Variants in MFSD6 observed in about 807,000 individuals in gnomAD.
MFSD6 encodes the protein major facilitator superfamily domain-containing protein 6.
In MFSD6, 26 loss-of-function variants were observed where a neutral mutation model predicts 56.3. The observed-to-expected ratio is 0.46, with a 90% confidence interval of 0.34 to 0.64. The LOEUF is 0.64. Among genes scored for constraint, MFSD6 ranks in the 30% least tolerant of loss-of-function variants. The probability of loss-of-function intolerance (pLI) is 0.01; values close to 1 mark genes in which losing one functional copy is unlikely to be tolerated. For missense variants in MFSD6, 750 were observed against 986.2 expected (o/e 0.76, Z 3.21); for synonymous variants, 331 against 366.9 (o/e 0.90, Z 1.12).
chr2:190,476,464 C>T (rs1688320406), intron 4 of MFSD6, among the ~76,000 whole-genome samples: 1 of 152,176 alleles, frequency 6.6e-6, no homozygotes. Context: ...TGCTCATCAT[C>T]ACTGGCCATC....
chr2:190,472,941 T>C (rs1472520811), intron 4 of MFSD6, among the ~76,000 whole-genome samples: 11 of 152,162 alleles, frequency 7.2e-5, no homozygotes, highest in Admixed American at 7.2e-4. Context: ...TCAACATTCT[T>C]AAAGGAAAGA....
In MFSD6 at chr2:190,494,563, C is replaced by G. The variant is rs562980788; in HGVS notation, c.1892-2876C>G. On this transcript the variant is annotated intron_variant, in intron 6 of 7. Coordinates refer to ENST00000392328, the MANE Select transcript of MFSD6 (RefSeq NM_017694.4). This position sits in a 1 kb window ranked among gnomAD's most constrained non-coding sequence, Gnocchi z 5.7. Reference sequence around the variant, plus strand: ...CATAACAAAAAAAGAAAACTACAGACCAATATCCCTGATGAACATCAATGC... The same window carrying G: ...CATAACAAAAAAAGAAAACTACAGAGCAATATCCCTGATGAACATCAATGC... Among the ~76,000 whole-genome samples the G allele has an allele frequency of 6.6e-6, 1 of 152,138 alleles. No individual in the cohort carries two copies. The highest frequency in any genetic ancestry group is 2.4e-5 in the African/African-American group (1 of 41,426).
intron 4 of MFSD6, among the ~76,000 whole-genome samples, chr2:190,481,205 A>G (rs749560557): frequency 6.6e-6 from 1 of 152,266 alleles, no homozygotes; most frequent in Non-Finnish European, 1.5e-5. Flanking sequence ...ACCTGCTTAA[A>G]GGTATGCCAA....
chr2:190,430,946 G>T (rs1227959076), intron 2 of MFSD6, among the ~76,000 whole-genome samples: 1 of 149,528 alleles, frequency 6.7e-6, no homozygotes, highest in Non-Finnish European at 1.5e-5. Flanking sequence ...TCACTTCTCA[G>T]ACGGGGCGGC....
chr2:190,430,891 G>A (rs1239715485), intron 2 of MFSD6, among the ~76,000 whole-genome samples: 4 of 92,784 alleles, frequency 4.3e-5, no homozygotes, highest in African/African-American at 1.6e-4. Context: ...GGGCGGAGAC[G>A]CTCCTCACTT....
rs528725330 is a variant in MFSD6 at position 190,433,172 on chromosome 2, A to G, written c.-53-2805A>G. Among the ~76,000 whole-genome samples the G allele has an allele frequency of 6.6e-6, 1 of 152,132 alleles. No homozygotes were observed. The highest frequency in any genetic ancestry group is 1.5e-5 in the Non-Finnish European group (1 of 68,030). Reference sequence around the variant, plus strand: ...GTCATTTTAGTGGGTTCAGGGAAGGATTCAAACTACATGTGTTTAATCTGC... The same window carrying G: ...GTCATTTTAGTGGGTTCAGGGAAGGGTTCAAACTACATGTGTTTAATCTGC... On this transcript the variant is annotated intron_variant, in intron 2 of 7. Transcript: ENST00000392328. The surrounding 1 kb of genome is among the most constrained non-coding windows in gnomAD (Gnocchi z 4.5).
rs1689348029 is a variant in MFSD6, at chr2:190,491,446, A to G, written c.1891+1580A>G. Among the ~76,000 whole-genome samples, 1 of 152,198 alleles carries G rather than the reference A, an allele frequency of 6.6e-6. No homozygotes were observed. Among genetic ancestry groups the G allele is most frequent in the Admixed American group, 6.5e-5 (1 of 15,272 alleles). ...GAGACAGGCCAAATATTGGGCTGGT[A>G]TCCAGCTGAGAGACCTAAAGATGGT... On this transcript the variant is annotated intron_variant, in intron 6 of 7. Transcript: ENST00000392328. This position sits in a 1 kb window ranked among gnomAD's most constrained non-coding sequence, Gnocchi z 4.2.
chr2:190,485,072 A>G lies in MFSD6; in HGVS notation c.1631-3585A>G, dbSNP rs183097599. 4.5e-4 allele frequency among the ~76,000 whole-genome samples: 69 copies of G among 152,332 alleles called. No individual in the cohort carries two copies. In the East Asian group the frequency reaches 0.012, roughly 27 times the overall value. On this transcript the variant is annotated intron_variant, in intron 4 of 7. Transcript: ENST00000392328. The surrounding 1 kb of genome is among the most constrained non-coding windows in gnomAD (Gnocchi z 5.1). ...TTACAACTACCACTTAATACTAGTC[A>G]GTAAATTCTAAGAATAGTTTAAAAG...
In MFSD6 at chr2:190,437,652, A is replaced by C; in HGVS notation, c.1532+91A>C. ...CCTTCTACTACAATTTTAAGGTATT[A>C]TAATTTGTGTTGAGGATAGGGTTGG... On this transcript the variant is annotated intron_variant, in intron 3 of 7. Coordinates refer to ENST00000392328, the MANE Select transcript of MFSD6 (RefSeq NM_017694.4). The surrounding 1 kb of genome is among the most constrained non-coding windows in gnomAD (Gnocchi z 5.9). 7.0e-7 allele frequency: 1 copy of C among 1,432,520 alleles called. No homozygotes were observed. Among genetic ancestry groups the C allele is most frequent in the South Asian group, 1.4e-5 (1 of 71,664 alleles). The allele number at this position is 1,432,520 out of a possible 1,614,324, so 88.7% of individuals were successfully genotyped here. A position where few individuals can be genotyped will look rare whatever the true frequency, so the allele number is the denominator to read the frequency against.
chr2:190,423,564 C>T lies in MFSD6; in HGVS notation c.-54+8151C>T, dbSNP rs1373795297. On this transcript the variant is annotated intron_variant, in intron 2 of 7. Transcript: ENST00000392328. This position sits in a 1 kb window ranked among gnomAD's most constrained non-coding sequence, Gnocchi z 4.3. Reference sequence around the variant, plus strand: ...TTGAAGGGCTTTTGGGTTGTCTCCACTTTTTGGCTATTATGAAGAAAGCTG... The same window carrying T: ...TTGAAGGGCTTTTGGGTTGTCTCCATTTTTTGGCTATTATGAAGAAAGCTG... Among the ~76,000 whole-genome samples, 3 of 152,138 alleles carry T rather than the reference C, an allele frequency of 2.0e-5. No individual in the cohort carries two copies. Among genetic ancestry groups the T allele is most frequent in the Non-Finnish European group, 4.4e-5 (3 of 68,020 alleles).
intron 3 of MFSD6, among the ~76,000 whole-genome samples, chr2:190,449,617 A>G (rs957040249): frequency 3.9e-5 from 6 of 152,154 alleles, no homozygotes; most frequent in Admixed American, 6.5e-5. Flanking sequence ...AACCAACCCA[A>G]ATGTCCAACA....
Position 190,436,570 on chromosome 2 carries a change from A to T in MFSD6, c.541A>T (p.Thr181Ser). 6.2e-7 allele frequency: 1 copy of T among 1,614,216 alleles called. No individual in the cohort carries two copies. Among genetic ancestry groups the T allele is most frequent in the Non-Finnish European group, 8.5e-7 (1 of 1,180,034 alleles). ...AAGTCACCAGTTAACTATCCTGCCA[A>T]CAAATTCTTCCTTTACCTCTTTCCT... ...NASHQLTILP[T>S]NSSFTSFLTI... The change falls in exon 3 of 8, where the codon ACA becomes TCA. Residue 181 changes from threonine (T) to serine (S), a missense_variant. Physicochemically the swap from Thr to Ser is moderately conservative, Grantham distance 58 (BLOSUM62 1). Around this residue, in one of 5 missense-constraint regions of MFSD6, gnomAD observed 376 missense variants for 437.9 expected, o/e 0.86. Coordinates refer to ENST00000392328, the MANE Select transcript of MFSD6 (RefSeq NM_017694.4). This position sits in a 1 kb window ranked among gnomAD's most constrained non-coding sequence, Gnocchi z 5.3.
rs575559926 is a variant in MFSD6 at position 190,431,962 on chromosome 2, C to T, written c.-53-4015C>T. On this transcript the variant is annotated intron_variant, in intron 2 of 7. Transcript: ENST00000392328. This position sits in a 1 kb window ranked among gnomAD's most constrained non-coding sequence, Gnocchi z 4.4. The stretch of plus-strand genomic sequence containing the variant: ...ATCTTCTCTTATTTCTGAAGATAAT[C>T]ATATATTCAAAAGTATTTTCCTTTT... 3.9e-5 allele frequency among the ~76,000 whole-genome samples: 6 copies of T among 152,232 alleles called. No individual in the cohort carries two copies. Among genetic ancestry groups the T allele is most frequent in the Admixed American group, 3.3e-4 (5 of 15,288 alleles).
Position 190,437,062 on chromosome 2 carries a change from G to A in MFSD6, c.1033G>A (p.Gly345Arg), listed in dbSNP as rs536766738. The change falls in exon 3 of 8, where the codon GGG (glycine) becomes AGG (arginine). Residue 345 changes from glycine to arginine, a missense_variant. By Grantham distance (125) the Gly-to-Arg change is moderately radical (BLOSUM62 -2). This residue lies in a region of MFSD6 where 376 missense variants were observed against 437.9 expected (regional missense o/e 0.86). Coordinates refer to ENST00000392328, the MANE Select transcript of MFSD6 (RefSeq NM_017694.4). This position sits in a 1 kb window ranked among gnomAD's most constrained non-coding sequence, Gnocchi z 5.9. ...WGLAMLSVGIGIDYTHIEVLI... is the reference protein window; with the variant it reads ...WGLAMLSVGIRIDYTHIEVLI... The stretch of plus-strand genomic sequence containing the variant: ...CCTGGCGATGCTGTCTGTGGGCATC[G>A]GGATCGACTACACCCACATCGAAGT... The A allele has an allele frequency of 9.3e-6, 15 of 1,614,184 alleles. No individual in the cohort carries two copies. The highest frequency in any genetic ancestry group is 4.4e-5 in the South Asian group (4 of 91,084).
At chr2:190,420,958 C>T (rs936444064) in intron 2 of MFSD6, among the ~76,000 whole-genome samples, 5 of 152,068 alleles carry the variant, frequency 3.3e-5, no homozygotes, top group African/African-American at 4.8e-5. Context: ...ATTTCCATAA[C>T]GACTTTGTAT....
In MFSD6 at chr2:190,417,996, G is replaced by A. The variant is rs1378051964; in HGVS notation, c.-54+2583G>A. On this transcript the variant is annotated intron_variant, in intron 2 of 7. Transcript: ENST00000392328. The surrounding 1 kb of genome is among the most constrained non-coding windows in gnomAD (Gnocchi z 5.7). ...TGTGTGTGTGTGTGTGTGTGTGTGT[G>A]TGTGTATGTGAGAGAGAGAGAGATG... Among the ~76,000 whole-genome samples the A allele has an allele frequency of 6.6e-6, 1 of 150,428 alleles. No individual in the cohort carries two copies. The highest frequency in any genetic ancestry group is 1.5e-5 in the Non-Finnish European group (1 of 67,562).
intron 3 of MFSD6, among the ~76,000 whole-genome samples, chr2:190,446,589 G>T (rs1456208168): frequency 6.6e-6 from 1 of 152,160 alleles, no homozygotes; most frequent in Non-Finnish European, 1.5e-5. Context: ...AAATTTGGGG[G>T]ATCAGAGAGA....
intron 4 of MFSD6, among the ~76,000 whole-genome samples, chr2:190,473,353 A>C (rs553998363): frequency 7.9e-5 from 12 of 152,356 alleles, no homozygotes; most frequent in Admixed American, 2.0e-4. Context: ...TCTCACGTGC[A>C]GAAACACACA....
intron 4 of MFSD6, among the ~76,000 whole-genome samples, chr2:190,475,317 C>T (rs920114449): frequency 2.0e-5 from 3 of 152,150 alleles, no homozygotes; most frequent in Non-Finnish European, 4.4e-5. Flanking sequence ...TAGAAAACCC[C>T]ATCGTCTCAG....
Sources: gnomAD v4.1 joint callset for allele counts (sites outside exome capture counted in the v4.1 genomes callset) on GRCh38, gnomAD v4.1.1 for gene constraint, gnomAD v4.1.1 regional missense constraint, Gnocchi (gnomAD v3.1) non-coding constraint, MANE v1.5 for transcripts, NCBI Gene and HGNC (gene_info 2026-07-23, HGNC 2026-07-21) for gene names.